The following DNM3 variants were observed in gnomAD, a reference collection of about 807,000 sequenced individuals.
The protein encoded by DNM3 is dynamin-3.
Under a neutral mutation model 101.6 loss-of-function variants are expected in DNM3, and 47 were observed. The ratio of observed to expected loss-of-function variants is 0.46; its 90% CI spans 0.37 to 0.59. DNM3 has a LOEUF of 0.59. Ranked by LOEUF, DNM3 falls within the 20% of genes least tolerant of loss-of-function variation. The pLI, the probability that DNM3 is intolerant of heterozygous loss-of-function variation, is 0.00. For synonymous variants in DNM3, 385 were observed against 387.9 expected (o/e 0.99, Z 0.09); for missense variants, 849 against 1,085.7 (o/e 0.78, Z 3.06).
At chr1:172,376,278 C>T (rs1254553231) in intron 17 of DNM3, 2 of 151,998 alleles carry the variant, frequency 1.3e-5, no homozygotes, top group South Asian at 2.1e-4. Flanking sequence ...CATCATTGAA[C>T]CTGCACATAA....
At chr1:172,180,543 A>G (rs2059308374) in intron 14 of DNM3, among the ~76,000 whole-genome samples, 2 of 152,142 alleles carry the variant, frequency 1.3e-5, no homozygotes, top group African/African-American at 4.8e-5. Context: ...CTGCTAGAAT[A>G]CAGTGTGATT....
chr1:171,867,166 C>G (rs1363768779), intron 1 of DNM3, among the ~76,000 whole-genome samples: 1 of 152,116 alleles, frequency 6.6e-6, no homozygotes, highest in African/African-American at 2.4e-5. Context: ...TAGGGCAGGG[C>G]TCCCTAAAGG....
intron 2 of DNM3, among the ~76,000 whole-genome samples, chr1:171,968,606 G>GTGT (rs1390945608): frequency 6.6e-6 from 1 of 152,162 alleles, no homozygotes; most frequent in African/African-American, 2.4e-5. Flanking sequence ...AAATAACTTA[G>GTGT]TGTTGGCTTG....
chr1:172,029,817 G>A (rs1435936595), intron 4 of DNM3, among the ~76,000 whole-genome samples: 1 of 152,062 alleles, frequency 6.6e-6, no homozygotes, highest in Non-Finnish European at 1.5e-5. Context: ...TTGCTACAAA[G>A]AGAATAAAAT....
chr1:171,957,710 C>G (rs895810003), intron 2 of DNM3, among the ~76,000 whole-genome samples: 1 of 152,192 alleles, frequency 6.6e-6, no homozygotes, highest in Non-Finnish European at 1.5e-5. Flanking sequence ...TGCTGCCAGT[C>G]TCTGCTAAAA....
At chr1:171,911,968 A>C (rs2039344600) in intron 1 of DNM3, among the ~76,000 whole-genome samples, 6 of 152,128 alleles carry the variant, frequency 3.9e-5, no homozygotes. Context: ...ACCAGGCCTT[A>C]GGGCTACCTC....
chr1:172,126,719 T>C (rs79694005), intron 13 of DNM3, among the ~76,000 whole-genome samples: 1 of 139,994 alleles, frequency 7.1e-6, no homozygotes, highest in Admixed American at 7.0e-5. Context: ...CGGTACCTGC[T>C]TTTTTTTTTT....
intron 16 of DNM3, among the ~76,000 whole-genome samples, chr1:172,314,201 C>A (rs1374383920): frequency 6.6e-6 from 1 of 152,180 alleles, no homozygotes; most frequent in Non-Finnish European, 1.5e-5. Context: ...AGACTTAGGA[C>A]CCAAATGCCC....
chr1:172,172,263 A>T (rs12125882), intron 14 of DNM3, among the ~76,000 whole-genome samples: 68,868 of 151,360 alleles, frequency 0.45, 16,440 homozygotes, highest in African/African-American at 0.59. Context: ...CAAATACAGT[A>T]GTCCCCCCTA....
At chr1:172,079,425 G>T (rs1265212361) in intron 11 of DNM3, among the ~76,000 whole-genome samples, 2 of 151,522 alleles carry the variant, frequency 1.3e-5, no homozygotes, top group Admixed American at 6.6e-5. Context: ...ATTGATACTT[G>T]TGTATGCTTC....
chr1:172,346,840 T>C (rs1416161702), intron 17 of DNM3, among the ~76,000 whole-genome samples: 2 of 152,168 alleles, frequency 1.3e-5, no homozygotes, highest in African/African-American at 2.4e-5. Context: ...GGTGGCCAAA[T>C]AATGCCTGGC....
intron 13 of DNM3, among the ~76,000 whole-genome samples, chr1:172,107,842 CTT>C (rs2055174623): frequency 6.6e-6 from 1 of 152,200 alleles, no homozygotes; most frequent in Non-Finnish European, 1.5e-5. Flanking sequence ...AAGCACGAAT[CTT>C]TTCACATTCA....
intron 14 of DNM3, among the ~76,000 whole-genome samples, chr1:172,235,743 G>A (rs59000233): frequency 0.012 from 1,775 of 152,128 alleles, 40 homozygotes; most frequent in African/African-American, 0.04. Context: ...ACTATCGCAA[G>A]GACAAAAAAC....
At chr1:172,094,375 C>T (rs552060018) in intron 13 of DNM3, among the ~76,000 whole-genome samples, 83 of 152,232 alleles carry the variant, frequency 5.5e-4, no homozygotes, top group African/African-American at 1.8e-3. Flanking sequence ...ATTTCTACCA[C>T]GGATAAAGCA....
intron 1 of DNM3, among the ~76,000 whole-genome samples, chr1:171,842,088 C>T (rs2031300342): frequency 6.6e-6 from 1 of 152,178 alleles, no homozygotes. Flanking sequence ...TCCTCCCTGT[C>T]CTCCAGTCGG....
At chr1:172,413,120 G>C (rs1041362555), downstream of DNM3, among the ~76,000 whole-genome samples, 1 of 152,146 alleles carries the variant, frequency 6.6e-6, no homozygotes, top group Non-Finnish European at 1.5e-5. Context: ...TCCACAGAAG[G>C]CATTTCTTAT....
intron 17 of DNM3, among the ~76,000 whole-genome samples, chr1:172,355,997 A>G (rs1425449028): frequency 6.6e-6 from 1 of 152,114 alleles, no homozygotes; most frequent in Non-Finnish European, 1.5e-5. Flanking sequence ...CTAAAGAACA[A>G]CAGTTCAGAC....
At chr1:172,009,133 TTA>T (rs1491238673) in intron 4 of DNM3, among the ~76,000 whole-genome samples, 5 of 138,480 alleles carry the variant, frequency 3.6e-5, no homozygotes, top group Non-Finnish European at 7.6e-5. Context: ...ATATATATAT[TTA>T]TATTATATAT....
intron 14 of DNM3, among the ~76,000 whole-genome samples, chr1:172,163,956 TACACACACACAC>T (rs10536417): frequency 8.1e-5 from 12 of 147,330 alleles, no homozygotes; most frequent in African/African-American, 1.5e-4. Flanking sequence ...TACATATATA[TACACACACACAC>T]ACACACACAC....
Sources: allele counts gnomAD v4.1 joint callset (sites outside exome capture counted in the v4.1 genomes callset), GRCh38; gene constraint gnomAD v4.1.1; transcripts MANE v1.5; gene names NCBI Gene and HGNC (gene_info 2026-07-23, HGNC 2026-07-21).